The following LINGO2 variants were observed in gnomAD, a reference collection of about 807,000 sequenced individuals.
The protein encoded by LINGO2 is leucine-rich repeat and immunoglobulin-like domain-containing nogo receptor-interacting protein 2.
Under a neutral mutation model 30.6 loss-of-function variants are expected in LINGO2, and 14 were observed. The ratio of observed to expected loss-of-function variants is 0.46; its 90% CI spans 0.30 to 0.72. The LOEUF is 0.72. Among genes scored for constraint, LINGO2 ranks in the 30% least tolerant of loss-of-function variants. LINGO2 has a pLI of 0.07. For missense variants in LINGO2, 729 were observed against 751.7 expected (o/e 0.97, Z 0.35); for synonymous variants, 317 against 288.5 (o/e 1.10, Z -1.00).
At chr9:28,610,535 A>T (rs77132982) in intron 1 of LINGO2, among the ~76,000 whole-genome samples, 5,557 of 152,206 alleles carry the variant, frequency 0.037, 130 homozygotes, top group African/African-American at 0.049. Context: ...GCTAGAAAAA[A>T]CTAGGTATGC....
At chr9:28,804,377 G>T in the LINGO2 span, among the ~76,000 whole-genome samples, 2 of 151,980 alleles carry the variant, frequency 1.3e-5, no homozygotes, top group Non-Finnish European at 2.9e-5. Flanking sequence ...ATGTTAATTA[G>T]GTACTGTTGA....
At chr9:29,132,746 C>T in the LINGO2 span, among the ~76,000 whole-genome samples, 2 of 152,150 alleles carry the variant, frequency 1.3e-5, no homozygotes, top group African/African-American at 4.8e-5. Context: ...CAAGACAATC[C>T]ACCCGTAACA....
the LINGO2 span, among the ~76,000 whole-genome samples, chr9:28,733,696 T>C: frequency 6.6e-6 from 1 of 152,140 alleles, no homozygotes; most frequent in Non-Finnish European, 1.5e-5. Context: ...CTATCATTAC[T>C]CAAGTTAACC....
intron 4 of LINGO2, among the ~76,000 whole-genome samples, chr9:28,083,850 G>C (rs971828054): frequency 6.6e-6 from 1 of 152,104 alleles, no homozygotes; most frequent in African/African-American, 2.4e-5. Context: ...ATGACCTAGT[G>C]TGAAGTCAAA....
At chr9:29,189,730 C>T in the LINGO2 span, among the ~76,000 whole-genome samples, 1 of 152,202 alleles carries the variant, frequency 6.6e-6, no homozygotes, top group Non-Finnish European at 1.5e-5. Context: ...CGGTTGAGCA[C>T]TGAGTGAACG....
chr9:29,102,421 T>G, the LINGO2 span, among the ~76,000 whole-genome samples: 6,278 of 152,258 alleles, frequency 0.041, 198 homozygotes, highest in Admixed American at 0.079. Context: ...GTTTGCATAA[T>G]TTTAGCTCTC....
At chr9:28,716,242 A>G in the LINGO2 span, among the ~76,000 whole-genome samples, 906 of 151,952 alleles carry the variant, frequency 6.0e-3, 12 homozygotes, top group African/African-American at 0.021. Flanking sequence ...AATTAGAACC[A>G]CTTTCCAAGT....
intron 5 of LINGO2, among the ~76,000 whole-genome samples, chr9:27,974,350 C>T (rs902795617): frequency 3.9e-5 from 6 of 152,100 alleles, no homozygotes; most frequent in Non-Finnish European, 8.8e-5. Flanking sequence ...GTCTTATCAG[C>T]GGTCATAACA....
the LINGO2 span, among the ~76,000 whole-genome samples, chr9:28,790,139 C>T: frequency 3.9e-5 from 6 of 152,178 alleles, no homozygotes; most frequent in South Asian, 8.3e-4. Flanking sequence ...CATCCTGCTT[C>T]GTCCTGCCTG....
chr9:27,980,579 C>T (rs1306850208), intron 5 of LINGO2, among the ~76,000 whole-genome samples: 1 of 151,950 alleles, frequency 6.6e-6, no homozygotes, highest in African/African-American at 2.4e-5. Flanking sequence ...CTTTATTAAG[C>T]AGATGTTTGC....
At chr9:28,250,716 A>T (rs907118136) in intron 4 of LINGO2, among the ~76,000 whole-genome samples, 3 of 152,168 alleles carry the variant, frequency 2.0e-5, no homozygotes, top group Non-Finnish European at 4.4e-5. Context: ...ACAAAGCAGG[A>T]TCTGGACTTT....
the LINGO2 span, among the ~76,000 whole-genome samples, chr9:28,878,071 CA>C: frequency 7.3e-5 from 11 of 151,642 alleles, no homozygotes; most frequent in Non-Finnish European, 1.5e-4. Flanking sequence ...AAAGGATCAA[CA>C]AAATTGATAG....
the LINGO2 span, among the ~76,000 whole-genome samples, chr9:28,727,611 T>C: frequency 2.6e-5 from 4 of 152,006 alleles, no homozygotes; most frequent in Non-Finnish European, 5.9e-5. Flanking sequence ...AATACTTTTG[T>C]CACCACTGGT....
At chr9:28,200,997 T>C (rs1006790515) in intron 4 of LINGO2, among the ~76,000 whole-genome samples, 28 of 142,314 alleles carry the variant, frequency 2.0e-4, no homozygotes, top group African/African-American at 7.3e-4. Context: ...CAGATTCAGC[T>C]TTTTTTTTTT....
At chr9:28,478,257 T>C (rs1372029828) in intron 1 of LINGO2, among the ~76,000 whole-genome samples, 1 of 152,182 alleles carries the variant, frequency 6.6e-6, no homozygotes, top group Non-Finnish European at 1.5e-5. Flanking sequence ...TATGTGATTT[T>C]AACTAGCAGC....
At chr9:29,042,615 T>C in the LINGO2 span, among the ~76,000 whole-genome samples, 6,273 of 152,100 alleles carry the variant, frequency 0.041, 201 homozygotes, top group Admixed American at 0.082. Flanking sequence ...TTTAATCTTA[T>C]GTAACTTTTA....
At chr9:28,969,242 A>G in the LINGO2 span, among the ~76,000 whole-genome samples, 1 of 152,174 alleles carries the variant, frequency 6.6e-6, no homozygotes, top group Non-Finnish European at 1.5e-5. Flanking sequence ...ACAATTTTAC[A>G]GAGTGGTCAG....
the LINGO2 span, among the ~76,000 whole-genome samples, chr9:28,753,274 A>G: frequency 6.6e-6 from 1 of 152,016 alleles, no homozygotes; most frequent in South Asian, 2.1e-4. Flanking sequence ...TGCTTCTCCA[A>G]AATCTTCCTT....
intron 1 of LINGO2, among the ~76,000 whole-genome samples, chr9:28,481,514 A>T (rs1825961832): frequency 6.6e-6 from 1 of 152,022 alleles, no homozygotes; most frequent in Non-Finnish European, 1.5e-5. Flanking sequence ...TTTATTTTCA[A>T]GTATTTGTCA....
Sources: gnomAD v4.1 joint callset for allele counts (sites outside exome capture counted in the v4.1 genomes callset) on GRCh38, gnomAD v4.1.1 for gene constraint, MANE v1.5 for transcripts, NCBI Gene and HGNC (gene_info 2026-07-23, HGNC 2026-07-21) for gene names.